Variants in PSMD14 observed in about 807,000 individuals in gnomAD.
PSMD14 encodes the protein ubiquitin C-terminal hydrolase PSMD14.
A neutral mutation model predicts 41.2 loss-of-function variants in PSMD14; 7 were observed. The observed-to-expected ratio is 0.17, with a 90% confidence interval of 0.10 to 0.32. PSMD14 has a LOEUF of 0.32. Ranked by LOEUF, PSMD14 falls within the 10% of genes least tolerant of loss-of-function variation. The pLI is 1.00. For missense variants in PSMD14, 139 were observed against 375.6 expected, an observed-to-expected ratio of 0.37 and a Z score of 5.21; for synonymous variants, 114 against 122.3, an observed-to-expected ratio of 0.93 and a Z score of 0.45.
At chr2:161,358,332 A>T (rs1683235622) in intron 3 of PSMD14, among the ~76,000 whole-genome samples, 1 of 152,196 alleles carries the variant, frequency 6.6e-6, no homozygotes, top group Non-Finnish European at 1.5e-5. Flanking sequence ...ACTAGCAATA[A>T]AATAGTTATA....
intron 5 of PSMD14, among the ~76,000 whole-genome samples, chr2:161,368,618 C>T (rs907533617): frequency 2.0e-5 from 3 of 151,968 alleles, no homozygotes; most frequent in African/African-American, 7.2e-5. Context: ...CCAAAAAAAG[C>T]ACATATATCC....
intron 7 of PSMD14, among the ~76,000 whole-genome samples, chr2:161,378,492 CTCT>C (rs766149137): frequency 2.6e-5 from 4 of 151,792 alleles, no homozygotes; most frequent in Non-Finnish European, 4.4e-5. Context: ...ACCAAAAGTG[CTCT>C]TTTTTTTTGA....
At chr2:161,388,401 T>C (rs912510943) in intron 8 of PSMD14, among the ~76,000 whole-genome samples, 2 of 152,124 alleles carry the variant, frequency 1.3e-5, no homozygotes, top group African/African-American at 4.8e-5. Flanking sequence ...ATGTAGGAAC[T>C]AGTACTCATA....
chr2:161,388,483 T>A (rs1683662627), intron 8 of PSMD14, among the ~76,000 whole-genome samples: 1 of 152,230 alleles, frequency 6.6e-6, no homozygotes, highest in South Asian at 2.1e-4. Flanking sequence ...AAAATATATA[T>A]ACAGTTAAAA....
intron 6 of PSMD14, among the ~76,000 whole-genome samples, chr2:161,370,942 C>G (rs1385040965): frequency 6.6e-6 from 1 of 152,172 alleles, no homozygotes; most frequent in Non-Finnish European, 1.5e-5. Context: ...GCCTTATCTA[C>G]CACTGCTAAT....
chr2:161,357,645 CA>C (rs1027033307), intron 3 of PSMD14, among the ~76,000 whole-genome samples: 12 of 152,068 alleles, frequency 7.9e-5, no homozygotes, highest in Non-Finnish European at 4.4e-5. Flanking sequence ...TTCCAATTTT[CA>C]AATGGTAATA....
chr2:161,389,754 A>G (rs768154015), intron 8 of PSMD14, among the ~76,000 whole-genome samples: 10 of 151,802 alleles, frequency 6.6e-5, no homozygotes, highest in Non-Finnish European at 1.3e-4. Flanking sequence ...CCTGACATGT[A>G]TTGTGGCATA....
chr2:161,341,493 ATCT>A (rs1199338292), intron 3 of PSMD14, among the ~76,000 whole-genome samples: 1 of 151,906 alleles, frequency 6.6e-6, no homozygotes, highest in Non-Finnish European at 1.5e-5. Flanking sequence ...TTGTCTTTTT[ATCT>A]TCTTAACACT....
intron 3 of PSMD14, among the ~76,000 whole-genome samples, chr2:161,350,149 G>T (rs1432723769): frequency 1.3e-5 from 2 of 152,202 alleles, no homozygotes; most frequent in Non-Finnish European, 2.9e-5. Flanking sequence ...CAAATAAAAT[G>T]TGTAAGGAAC....
chr2:161,396,981 C>T (rs1457517199), intron 10 of PSMD14, among the ~76,000 whole-genome samples: 2 of 152,112 alleles, frequency 1.3e-5, no homozygotes, highest in Non-Finnish European at 2.9e-5. Flanking sequence ...GCGCCCGCTG[C>T]AACACCCAGC....
intron 3 of PSMD14, among the ~76,000 whole-genome samples, chr2:161,337,476 A>G (rs1305515976): frequency 6.6e-6 from 1 of 152,238 alleles, no homozygotes; most frequent in East Asian, 1.9e-4. Flanking sequence ...AAAATGGGTC[A>G]TAGCTTTAAG....
At position 161,411,465 on chromosome 2, in the gene PSMD14, A is replaced by T; in HGVS notation, c.*65A>T. ...TTCCTCTGTTGTTCCTAATGCTCAA[A>T]ATCAAGGGACCTCTGAAGGTGTACT... On this transcript the variant is annotated 3_prime_UTR_variant, in exon 12 of 12. Transcript: ENST00000409682. 1 of 1,189,286 alleles carries T rather than the reference A, an allele frequency of 8.4e-7. No individual in the cohort carries two copies. The highest frequency in any genetic ancestry group is 1.2e-6 in the Non-Finnish European group (1 of 846,054). The allele number at this position is 1,189,286 out of a possible 1,614,324, so 73.7% of individuals were successfully genotyped here. A position where few individuals can be genotyped will look rare whatever the true frequency, so the allele number is the denominator to read the frequency against.
At chr2:161,371,387 A>C (rs1683431955) in intron 7 of PSMD14, 65 bp downstream of exon 7, 4 of 1,483,530 alleles carry the variant, frequency 2.7e-6, no homozygotes, top group Non-Finnish European at 3.6e-6. Context: ...CATTAAATAA[A>C]AATCAATTTT....
intron 3 of PSMD14, among the ~76,000 whole-genome samples, chr2:161,362,305 TA>T (rs1305621507): frequency 6.6e-6 from 1 of 152,216 alleles, no homozygotes; most frequent in Non-Finnish European, 1.5e-5. Context: ...TCCCCTACTA[TA>T]AAAGATAGAG....
intron 2 of PSMD14, among the ~76,000 whole-genome samples, chr2:161,318,424 G>T (rs1361802211): frequency 6.6e-6 from 1 of 152,060 alleles, no homozygotes; most frequent in African/African-American, 2.4e-5. Context: ...TAAAAGTGAG[G>T]ATTTTTATTT....
At chr2:161,340,728 C>T in intron 3 of PSMD14, 1 of 1,600,770 alleles carries the variant, frequency 6.2e-7, no homozygotes, top group Non-Finnish European at 8.5e-7. Flanking sequence ...CCTGCCCAGA[C>T]TCCTCTCTGG....
At chr2:161,353,592 T>G (rs192603433) in intron 3 of PSMD14, among the ~76,000 whole-genome samples, 8 of 152,358 alleles carry the variant, frequency 5.3e-5, no homozygotes, top group Non-Finnish European at 1.2e-4. Flanking sequence ...AAAAGGTCTA[T>G]GTATTCCCTA....
intron 2 of PSMD14, among the ~76,000 whole-genome samples, chr2:161,318,508 G>A (rs969771638): frequency 3.9e-5 from 6 of 152,028 alleles, no homozygotes; most frequent in African/African-American, 1.4e-4. Flanking sequence ...TCTACATTCA[G>A]GTACTTTATT....
rs1466519074 is a variant in PSMD14, at chr2:161,411,636, G to C, written c.*236G>C. On this transcript the variant is annotated 3_prime_UTR_variant, in exon 12 of 12. Transcript: ENST00000409682. ...CATCAAAGTGGACAAATTTTGTTAAGATCCCATTTAATATTTGAAAAAATC... is the reference window on the plus strand; with the variant it reads ...CATCAAAGTGGACAAATTTTGTTAACATCCCATTTAATATTTGAAAAAATC... 6.0e-5 allele frequency: 16 copies of C among 267,508 alleles called. No homozygotes were observed. The East Asian group carries it at 1.1e-3, about 18-fold the overall frequency. The allele number at this position is 267,508 out of a possible 1,614,324, so 16.6% of individuals were successfully genotyped here. A position where few individuals can be genotyped will look rare whatever the true frequency, so the allele number is the denominator to read the frequency against.
Sources: allele counts gnomAD v4.1 joint callset (sites outside exome capture counted in the v4.1 genomes callset), GRCh38; gene constraint gnomAD v4.1.1; transcripts MANE v1.5; gene names NCBI Gene and HGNC (gene_info 2026-07-23, HGNC 2026-07-21).